CDH2: variants seen among roughly 807,000 people sequenced by gnomAD.
CDH2 encodes the protein cadherin-2.
In CDH2, 17 loss-of-function variants were observed where a neutral mutation model predicts 92.0. That is an observed-to-expected ratio of 0.18 (90% CI 0.13 to 0.28). The LOEUF is 0.28. CDH2 is among the 10% of genes least tolerant of loss of function. The pLI, the probability that CDH2 is intolerant of heterozygous loss-of-function variation, is 1.00. For missense variants in CDH2, 862 were observed against 1,133.1 expected (o/e 0.76, Z 3.44); for synonymous variants, 419 against 415.9 (o/e 1.01, Z -0.09).
chr18:28,062,461 T>C (rs1432502993), intron 2 of CDH2, among the ~76,000 whole-genome samples: 3 of 152,204 alleles, frequency 2.0e-5, no homozygotes, highest in Non-Finnish European at 4.4e-5. Context: ...TAGCATACTA[T>C]AGATGAAAAC....
exon 7 of CDH2, among the ~76,000 whole-genome samples, chr18:27,932,896 T>A (rs918572274): frequency 6.6e-6 from 1 of 152,206 alleles, no homozygotes; most frequent in Non-Finnish European, 1.5e-5. Flanking sequence ...ATGCATTTTT[T>A]ATTTTAGAGA....
intron 2 of CDH2, among the ~76,000 whole-genome samples, chr18:28,130,140 G>A (rs1440432431): frequency 6.6e-6 from 1 of 152,154 alleles, no homozygotes; most frequent in Non-Finnish European, 1.5e-5. Context: ...TAGGATACAG[G>A]TTTCAATAAA....
chr18:28,104,227 C>T (rs59532137), intron 2 of CDH2, among the ~76,000 whole-genome samples: 5,325 of 152,112 alleles, frequency 0.035, 313 homozygotes, highest in African/African-American at 0.12. Flanking sequence ...TATATTATGA[C>T]CATAAAAGTA....
chr18:27,972,594 T>A (rs1410485833), intron 14 of CDH2, among the ~76,000 whole-genome samples: 1 of 152,316 alleles, frequency 6.6e-6, no homozygotes, highest in Middle Eastern at 3.4e-3. Context: ...CATCATTTCC[T>A]GAAGACATCA....
At chr18:27,950,310 G>C (rs1909384907), downstream of CDH2, among the ~76,000 whole-genome samples, 1 of 152,078 alleles carries the variant, frequency 6.6e-6, no homozygotes, top group South Asian at 2.1e-4. Context: ...GAAACAAACA[G>C]ATAAATACAA....
chr18:28,140,909 T>TAC (rs1207787054), intron 2 of CDH2, among the ~76,000 whole-genome samples: 2 of 149,722 alleles, frequency 1.3e-5, no homozygotes, highest in African/African-American at 2.5e-5. Context: ...TATATATATA[T>TAC]ACCTATATAT....
At chr18:27,962,177 G>A (rs763828571) in intron 15 of CDH2, among the ~76,000 whole-genome samples, 5 of 152,138 alleles carry the variant, frequency 3.3e-5, no homozygotes, top group African/African-American at 9.7e-5. Context: ...CTAAGAGCTG[G>A]CAAAGTCAGG....
At chr18:28,091,385 C>A (rs1449440291) in intron 2 of CDH2, among the ~76,000 whole-genome samples, 1 of 152,114 alleles carries the variant, frequency 6.6e-6, no homozygotes, top group Non-Finnish European at 1.5e-5. Context: ...ATTTAATTCC[C>A]TTTAGTTCAG....
At chr18:28,011,767 T>C (rs1293645993) in intron 4 of CDH2, 79 bp downstream of exon 4, 17 of 1,407,982 alleles carry the variant, frequency 1.2e-5, no homozygotes, top group Non-Finnish European at 1.6e-5. Flanking sequence ...AATTCTACTT[T>C]GTAAAAAAAA....
chr18:28,050,538 T>C (rs2014169688), intron 2 of CDH2, among the ~76,000 whole-genome samples: 1 of 152,106 alleles, frequency 6.6e-6, no homozygotes, highest in African/African-American at 2.4e-5. Flanking sequence ...AGGCAGTTTA[T>C]CAGATCCCAC....
At chr18:28,039,758 T>G (rs2013912817) in intron 2 of CDH2, among the ~76,000 whole-genome samples, 1 of 152,172 alleles carries the variant, frequency 6.6e-6, no homozygotes, top group Non-Finnish European at 1.5e-5. Context: ...TTAAAAGTTG[T>G]AGGGTTAGGC....
At chr18:27,964,594 T>C (rs1212919280) in intron 14 of CDH2, among the ~76,000 whole-genome samples, 1 of 152,224 alleles carries the variant, frequency 6.6e-6, no homozygotes, top group African/African-American at 2.4e-5. Context: ...TTTGCAGTTA[T>C]CTCTAGAGTG....
chr18:28,038,466 T>C (rs1279950037), intron 2 of CDH2, among the ~76,000 whole-genome samples: 1 of 151,054 alleles, frequency 6.6e-6, no homozygotes, highest in Non-Finnish European at 1.5e-5. Flanking sequence ...TGTGTGTCTA[T>C]GTGTGTGTAT....
chr18:28,172,802 C>G (rs1027666151), intron 1 of CDH2, among the ~76,000 whole-genome samples: 1 of 151,950 alleles, frequency 6.6e-6, no homozygotes, highest in African/African-American at 2.4e-5. Flanking sequence ...AGTGTATATA[C>G]GAACACAACA....
At chr18:27,971,613 C>A (rs1439318022) in intron 14 of CDH2, among the ~76,000 whole-genome samples, 1 of 152,078 alleles carries the variant, frequency 6.6e-6, no homozygotes, top group Non-Finnish European at 1.5e-5. Context: ...CTAATGTGTA[C>A]CCTGGCCACG....
chr18:28,061,026 G>A (rs1343911948), intron 2 of CDH2, among the ~76,000 whole-genome samples: 1 of 152,146 alleles, frequency 6.6e-6, no homozygotes, highest in Non-Finnish European at 1.5e-5. Context: ...AAATGACTGT[G>A]AGACAAGTTA....
intron 2 of CDH2, among the ~76,000 whole-genome samples, chr18:28,041,862 A>T (rs2013954119): frequency 6.6e-6 from 1 of 152,212 alleles, no homozygotes; most frequent in Non-Finnish European, 1.5e-5. Context: ...CCATTACAAT[A>T]AATAATTCCA....
intron 7 of CDH2, among the ~76,000 whole-genome samples, chr18:27,994,827 C>T (rs534625499): frequency 5.9e-5 from 9 of 152,204 alleles, no homozygotes; most frequent in Non-Finnish European, 1.0e-4. Flanking sequence ...AAACCGCCCA[C>T]ACTAGATTCT....
chr18:28,174,306 T>C (rs1251943204), intron 1 of CDH2, among the ~76,000 whole-genome samples: 1 of 152,152 alleles, frequency 6.6e-6, no homozygotes, highest in Non-Finnish European at 1.5e-5. Flanking sequence ...ACAGCCACTT[T>C]CACCTTGCAG....
Sources: gnomAD v4.1 joint callset for allele counts (sites outside exome capture counted in the v4.1 genomes callset) on GRCh38, gnomAD v4.1.1 for gene constraint, MANE v1.5 for transcripts, NCBI Gene and HGNC (gene_info 2026-07-23, HGNC 2026-07-21) for gene names.